Variants in AFF3 observed in about 807,000 individuals in gnomAD.
AFF3 encodes the protein ALF transcription elongation factor 3, also known as AF4/FMR2 family member 3.
AFF3 carries 32 observed loss-of-function variants against 129.7 expected under a neutral mutation model. That is an observed-to-expected ratio of 0.25 (90% CI 0.19 to 0.33). The LOEUF (loss-of-function observed/expected upper bound fraction) is 0.33. Among genes scored for constraint, AFF3 ranks in the 10% least tolerant of loss-of-function variants. The pLI, the probability that AFF3 is intolerant of heterozygous loss-of-function variation, is 1.00. For missense variants in AFF3, 1,373 were observed against 1,592.0 expected (o/e 0.86, Z 2.34); for synonymous variants, 644 against 635.4 (o/e 1.01, Z -0.20).
chr2:99,982,179 T>A (rs928096160), intron 7 of AFF3, among the ~76,000 whole-genome samples: 1 of 152,180 alleles, frequency 6.6e-6, no homozygotes. Context: ...CCCACCCAAA[T>A]CTCATGTTGT....
At chr2:99,752,405 G>C (rs1681731261) in intron 8 of AFF3, 104 bp from the exon 9 acceptor site, 1 of 835,538 alleles carries the variant, frequency 1.2e-6, no homozygotes, top group Admixed American at 2.8e-5. Context: ...GGCAGGGAAG[G>C]GTTAAAAAAT....
chr2:99,993,035 G>A (rs1475493368), intron 7 of AFF3, among the ~76,000 whole-genome samples: 1 of 152,176 alleles, frequency 6.6e-6, no homozygotes, highest in African/African-American at 2.4e-5. Context: ...AAGGGAATAT[G>A]GACCATCTTG....
chr2:99,909,405 G>A (rs1196774774), intron 7 of AFF3, among the ~76,000 whole-genome samples: 2 of 120,486 alleles, frequency 1.7e-5, no homozygotes, highest in Non-Finnish European at 3.5e-5. Context: ...AGTTACTGGA[G>A]GGAGGGGGGA....
At chr2:100,109,129 G>A (rs1451477363) in intron 2 of AFF3, among the ~76,000 whole-genome samples, 1 of 151,710 alleles carries the variant, frequency 6.6e-6, no homozygotes, top group Non-Finnish European at 1.5e-5. Context: ...CGGGAGAGGG[G>A]AAGGAAGTGG....
Position 99,986,277 on chromosome 2 carries a change from A to G in AFF3, c.873+20355T>C, listed in dbSNP as rs548698867. Among the ~76,000 whole-genome samples the G allele has an allele frequency of 4.0e-5, 6 of 150,502 alleles. No homozygotes were observed. In the South Asian group the frequency reaches 1.3e-3, roughly 32 times the overall value. On this transcript the variant is annotated intron_variant, in intron 7 of 24. Coordinates refer to ENST00000672756, the MANE Select transcript of AFF3 (RefSeq NM_001386135.1). The stretch of plus-strand genomic sequence containing the variant: ...TGTAGGACATGCACTGTGTTTTCTG[A>G]TTTTCAGTGTCAACCATAGCGTTTA...
intron 9 of AFF3, among the ~76,000 whole-genome samples, chr2:99,744,716 T>C (rs1489883960): frequency 6.6e-6 from 1 of 152,240 alleles, no homozygotes; most frequent in African/African-American, 2.4e-5. Context: ...GTATCGGTTC[T>C]TCATTCTTTT....
chr2:99,635,986 C>G (rs1244204384), intron 13 of AFF3, among the ~76,000 whole-genome samples: 3 of 152,176 alleles, frequency 2.0e-5, no homozygotes, highest in Non-Finnish European at 4.4e-5. Flanking sequence ...TGGTGGGAAC[C>G]TTCCAACAAC....
chr2:100,012,013 G>C (rs13002317), intron 4 of AFF3, among the ~76,000 whole-genome samples: 1 of 152,040 alleles, frequency 6.6e-6, no homozygotes, highest in African/African-American at 2.4e-5. Flanking sequence ...GCTTTATAAA[G>C]CATCCAGATT....
chr2:99,680,799 G>C (rs1175147429), intron 11 of AFF3, among the ~76,000 whole-genome samples: 1 of 152,194 alleles, frequency 6.6e-6, no homozygotes, highest in African/African-American at 2.4e-5. Context: ...ATTGCTAAAA[G>C]AGTCCCTAAT....
In AFF3 at chr2:99,720,178, T is replaced by A. The variant is rs545227622; in HGVS notation, c.1091+6899A>T. Among the ~76,000 whole-genome samples the A allele has an allele frequency of 7.2e-5, 11 of 152,288 alleles. No individual in the cohort carries two copies. In the South Asian group the frequency reaches 1.0e-3, roughly 14 times the overall value. ...AGTCCATGCTATAGTTTGGATATGGTTTGTCTGTCTCCATCAAATCTCATG... is the reference window on the plus strand; with the variant it reads ...AGTCCATGCTATAGTTTGGATATGGATTGTCTGTCTCCATCAAATCTCATG... On this transcript the variant is annotated intron_variant, in intron 11 of 24. Coordinates refer to ENST00000672756, the MANE Select transcript of AFF3 (RefSeq NM_001386135.1).
At chr2:100,105,418 G>C in intron 3 of AFF3, 86 bp downstream of exon 3, 1 of 1,314,120 alleles carries the variant, frequency 7.6e-7, no homozygotes, top group Non-Finnish European at 1.0e-6. Context: ...CCTGCTCTCC[G>C]TTGCGGTTTG....
At chr2:99,704,509 C>T (rs1677176321) in intron 11 of AFF3, among the ~76,000 whole-genome samples, 2 of 152,144 alleles carry the variant, frequency 1.3e-5, no homozygotes, top group Admixed American at 1.3e-4. Context: ...CTCCCCTTGC[C>T]CACTCTTGGT....
At chr2:99,900,325 G>C (rs1380927440) in intron 7 of AFF3, among the ~76,000 whole-genome samples, 1 of 152,172 alleles carries the variant, frequency 6.6e-6, no homozygotes. Context: ...AGGATGCAGA[G>C]ACTGTTATAG....
At chr2:99,606,420 A>C (rs574395272) in intron 13 of AFF3, among the ~76,000 whole-genome samples, 11 of 152,294 alleles carry the variant, frequency 7.2e-5, no homozygotes, top group Admixed American at 6.5e-4. Context: ...CAGCCAGAAA[A>C]CATTATTGAG....
chr2:100,111,333 G>A (rs1328584713), intron 2 of AFF3, among the ~76,000 whole-genome samples: 2 of 152,248 alleles, frequency 1.3e-5, no homozygotes, highest in African/African-American at 2.4e-5. Context: ...AAAGAATTAA[G>A]TGTGATTTAC....
intron 13 of AFF3, among the ~76,000 whole-genome samples, chr2:99,637,746 G>A (rs1683802799): frequency 6.6e-6 from 1 of 152,172 alleles, no homozygotes; most frequent in Non-Finnish European, 1.5e-5. Flanking sequence ...GACAAACACT[G>A]AAAACTATGC....
intron 7 of AFF3, among the ~76,000 whole-genome samples, chr2:99,951,218 A>G (rs1277115667): frequency 6.6e-6 from 1 of 152,166 alleles, no homozygotes; most frequent in Non-Finnish European, 1.5e-5. Context: ...TATCTTTCTG[A>G]TTTTGTATTC....
intron 8 of AFF3, among the ~76,000 whole-genome samples, chr2:99,775,848 A>G (rs1313929627): frequency 1.3e-5 from 2 of 152,180 alleles, no homozygotes; most frequent in African/African-American, 4.8e-5. Context: ...AGTTCCTTGC[A>G]TGCACTAAAA....
At chr2:100,047,570 C>T (rs1573247466) in intron 4 of AFF3, among the ~76,000 whole-genome samples, 1 of 152,154 alleles carries the variant, frequency 6.6e-6, no homozygotes, top group Non-Finnish European at 1.5e-5. Context: ...AAAAAATAAT[C>T]CGTAGTATAT....
Sources: allele counts gnomAD v4.1 joint callset (sites outside exome capture counted in the v4.1 genomes callset), GRCh38; gene constraint gnomAD v4.1.1; transcripts MANE v1.5; gene names NCBI Gene and HGNC (gene_info 2026-07-23, HGNC 2026-07-21).